SRSF4: variants seen among roughly 807,000 people sequenced by gnomAD.
SRSF4 encodes serine/arginine-rich splicing factor 4.
Under a neutral mutation model 48.8 loss-of-function variants are expected in SRSF4, and 12 were observed. The ratio of observed to expected loss-of-function variants is 0.25; its 90% confidence interval spans 0.16 to 0.40. The LOEUF (loss-of-function observed/expected upper bound fraction) is 0.40. Among genes scored for constraint, SRSF4 ranks in the 10% least tolerant of loss-of-function variants. The pLI, the probability that SRSF4 is intolerant of heterozygous loss-of-function variation, is 1.00. For missense variants in SRSF4, 466 were observed against 667.1 expected (o/e 0.70, Z 3.32); for synonymous variants, 248 against 232.5 (o/e 1.07, Z -0.61).
intron 3 of SRSF4, among the ~76,000 whole-genome samples, chr1:29,158,116 C>T (rs1397903193): frequency 6.6e-6 from 1 of 151,568 alleles, no homozygotes; most frequent in African/African-American, 2.4e-5. Flanking sequence ...TTGCAGTGAG[C>T]TGAGATGGCG....
rs200707514 is a variant in SRSF4 at position 29,150,288 on chromosome 1, G to T, written c.579-96C>A. On this transcript the variant is annotated intron_variant, in intron 4 of 5. Transcript: ENST00000373795. Reference sequence around the variant, plus strand: ...ATATTATATATATATATTTTAGATGGAGTTTCACTCTTGTTGCCCAGGCTG... The same window carrying T: ...ATATTATATATATATATTTTAGATGTAGTTTCACTCTTGTTGCCCAGGCTG... The T allele has an allele frequency of 5.7e-5, 35 of 618,498 alleles. No homozygotes were observed. The East Asian group carries it at 1.5e-3, about 26-fold the overall frequency. 38.3% of individuals were successfully genotyped at this position (618,498 alleles called of 1,614,324 possible).
chr1:29,148,606 TCTC>T lies in SRSF4; in HGVS notation c.1286_1288del (p.Gly429del), dbSNP rs1672344507. 2 of 1,613,792 alleles carry T rather than the reference TCTC, an allele frequency of 1.2e-6. No homozygotes were observed. Among genetic ancestry groups the T allele is most frequent in the Admixed American group, 3.3e-5 (2 of 59,976 alleles). On this transcript the variant is annotated inframe_deletion, in exon 6 of 6. Transcript: ENST00000373795. ...CTGATTGGTGCCAGCATTCTCACTC[TCTC>T]CTCGACCTTCCCTCTGGCTGGATTC...
At chr1:29,170,472 A>T (rs1672730857) in intron 1 of SRSF4, 2 of 152,318 alleles carry the variant, frequency 1.3e-5, no homozygotes, top group East Asian at 3.9e-4. Context: ...GCTTCATTAA[A>T]GATGATGCCT....
In SRSF4 at chr1:29,181,643, C is replaced by T; in HGVS notation, c.107+3G>A. 1.9e-6 allele frequency: 3 copies of T among 1,586,812 alleles called. No individual in the cohort carries two copies. Among genetic ancestry groups the T allele is most frequent in the Non-Finnish European group, 2.6e-6 (3 of 1,168,140 alleles). On this transcript the variant is annotated splice_donor_region_variant and intron_variant, in intron 1 of 5. Transcript: ENST00000373795. ...CGGCCGGACCCTCTTTCGCCCTCCT[C>T]ACCCGTTCTTCAGATCCACCTCCAG...
chr1:29,155,601 T>C (rs1001745206), intron 3 of SRSF4, among the ~76,000 whole-genome samples: 5 of 152,136 alleles, frequency 3.3e-5, no homozygotes, highest in Admixed American at 3.3e-4. Context: ...CAAGTGATTC[T>C]GTGCCTCAGC....
intron 5 of SRSF4, among the ~76,000 whole-genome samples, chr1:29,149,854 C>T (rs542827213): frequency 7.6e-4 from 115 of 151,804 alleles, no homozygotes; most frequent in African/African-American, 2.7e-3. Flanking sequence ...CATAGTGAGA[C>T]CCTGTCTCTA....
chr1:29,174,856 T>C (rs1372242716), intron 1 of SRSF4, among the ~76,000 whole-genome samples: 14 of 151,618 alleles, frequency 9.2e-5, no homozygotes. Context: ...GTATTTTTAG[T>C]AGAGACAGGG....
At chr1:29,168,963 C>A (rs892077498) in intron 1 of SRSF4, 3 of 152,110 alleles carry the variant, frequency 2.0e-5, no homozygotes, top group African/African-American at 7.2e-5. Flanking sequence ...AAAGCAGCAA[C>A]CAGAAAAGTA....
intron 2 of SRSF4, 57 bp from the exon 3 acceptor site, chr1:29,159,543 A>G: frequency 8.5e-7 from 1 of 1,175,528 alleles, no homozygotes; most frequent in Non-Finnish European, 1.3e-6. Context: ...AAAAAAAATG[A>G]CACAGCACAC....
At chr1:29,165,822 G>C (rs371595432) in intron 1 of SRSF4, 1 of 152,278 alleles carries the variant, frequency 6.6e-6, no homozygotes, top group Admixed American at 6.5e-5. Flanking sequence ...ACTGCTTACC[G>C]AGGGGCATGC....
In SRSF4 at chr1:29,148,965, C is replaced by T. The variant is rs762563002; in HGVS notation, c.930G>A (p.Glu310=). Residue 310 remains glutamate, a synonymous_variant, in exon 6 of 6, where the codon GAG becomes GAA. Transcript: ENST00000373795. ...TGCTCACACTCCCTCGCTTCTCCTC[C>T]TCCACTCTCCTCTCCTGACTCCTGC... The part of the protein sequence containing the change: ...SRSRSQERRV[E]EEKRGSVSRG... 6.2e-7 allele frequency: 1 copy of T among 1,612,880 alleles called. No individual in the cohort carries two copies. The highest frequency in any genetic ancestry group is 1.7e-5 in the Admixed American group (1 of 59,852).
Position 29,159,499 on chromosome 1 carries a change from CAAAT to C in SRSF4, c.251-17_251-14del, listed in dbSNP as rs1187876060. The C allele has an allele frequency of 6.3e-7, 1 of 1,588,242 alleles. No homozygotes were observed. The highest frequency in any genetic ancestry group is 8.6e-7 in the Non-Finnish European group (1 of 1,158,984). ...TAACCATATCCACCTTTGGAAGGTT[CAAAT>C]AAATAAGATTATTTCAGTGGAAGAA... On this transcript the variant is annotated splice_polypyrimidine_tract_variant and intron_variant, in intron 2 of 5. Transcript: ENST00000373795.
At chr1:29,156,638 C>T (rs1672503951) in intron 3 of SRSF4, among the ~76,000 whole-genome samples, 1 of 152,130 alleles carries the variant, frequency 6.6e-6, no homozygotes, top group Non-Finnish European at 1.5e-5. Flanking sequence ...ACCTTGAGAG[C>T]TAGGAAATCT....
rs761310870 is a variant in SRSF4, at chr1:29,160,489, G to A, written c.136C>T (p.Arg46Cys). 1.2e-6 allele frequency: 2 copies of A among 1,612,404 alleles called. No homozygotes were observed. The highest frequency in any genetic ancestry group is 2.2e-5 in the East Asian group (1 of 44,734). Residue 46 changes from arginine (R) to cysteine (C), a missense_variant, in exon 2 of 6, where the codon CGT becomes TGT. Arg to Cys is a radical substitution (Grantham distance 180). Coordinates refer to ENST00000373795, the MANE Select transcript of SRSF4 (RefSeq NM_005626.5). Reference sequence around the variant, plus strand: ...TCATAAACAGCATCATCTGCATCACGCAGATCATCAAACTCCACAAAACCA... The same window carrying A: ...TCATAAACAGCATCATCTGCATCACACAGATCATCAAACTCCACAAAACCA... The part of the protein sequence containing the change: ...GYGFVEFDDL[R>C]DADDAVYELN...
rs1365612226 is a variant in SRSF4, at chr1:29,181,626, C to T, written c.107+20G>A. On this transcript the variant is annotated intron_variant, in intron 1 of 5. Coordinates refer to ENST00000373795, the MANE Select transcript of SRSF4 (RefSeq NM_005626.5). ...TGGGGTCTGTCCCCGCCCGGCCGGA[C>T]CCTCTTTCGCCCTCCTCACCCGTTC... 7 of 1,569,864 alleles carry T rather than the reference C, an allele frequency of 4.5e-6. No individual in the cohort carries two copies. The highest frequency in any genetic ancestry group is 5.2e-6 in the Non-Finnish European group (6 of 1,158,248).
Position 29,149,175 on chromosome 1 carries a change from G to GCTCCGA in SRSF4, c.714_719dup (p.Arg241_Ser242dup). 2 of 1,611,666 alleles carry GCTCCGA rather than the reference G, an allele frequency of 1.2e-6. No individual in the cohort carries two copies. Among genetic ancestry groups the GCTCCGA allele is most frequent in the Non-Finnish European group, 8.5e-7 (1 of 1,179,974 alleles). On this transcript the variant is annotated inframe_insertion, in exon 6 of 6. Transcript: ENST00000373795. The stretch of plus-strand genomic sequence containing the variant: ...TCCTGCTTTTCTCTTTCTTGCTCCG[G>GCTCCGA]CTCCGACTCTGGCTCCGGCTCCGGC...
At chr1:29,160,552 A>C (rs1392666811) in intron 1 of SRSF4, 35 bp from the exon 2 acceptor site, 2 of 1,562,760 alleles carry the variant, frequency 1.3e-6, no homozygotes, top group South Asian at 2.4e-5. Flanking sequence ...GGTTGGTACC[A>C]TTTTGACATC....
intron 1 of SRSF4, among the ~76,000 whole-genome samples, chr1:29,181,434 C>G (rs1241804138): frequency 2.0e-5 from 3 of 152,168 alleles, no homozygotes; most frequent in African/African-American, 7.2e-5. Context: ...GGCCTCAGCA[C>G]AGCTCCCATT....
intron 1 of SRSF4, among the ~76,000 whole-genome samples, chr1:29,174,524 G>A (rs914456116): frequency 3.9e-5 from 6 of 152,098 alleles, no homozygotes; most frequent in Non-Finnish European, 5.9e-5. Flanking sequence ...AAACCAGGTT[G>A]TAGGAGAATA....
Sources: gnomAD v4.1 joint callset for allele counts (sites outside exome capture counted in the v4.1 genomes callset) on GRCh38, gnomAD v4.1.1 for gene constraint, MANE v1.5 for transcripts, NCBI Gene and HGNC (gene_info 2026-07-23, HGNC 2026-07-21) for gene names.